ROBO2: variants seen among roughly 807,000 people sequenced by gnomAD.
The protein encoded by ROBO2 is roundabout guidance receptor 2, also known as roundabout homolog 2.
ROBO2 carries 53 observed loss-of-function variants against 160.8 expected under a neutral mutation model. The ratio of observed to expected loss-of-function variants is 0.33; its 90% CI spans 0.26 to 0.41. The LOEUF (loss-of-function observed/expected upper bound fraction) is 0.41, where lower values mean the gene tolerates loss of function less well. ROBO2 is among the 10% of genes least tolerant of loss of function. ROBO2 has a pLI of 1.00. For missense variants in ROBO2, 1,577 were observed against 1,722.4 expected, an observed-to-expected ratio of 0.92 and a Z score of 1.49; for synonymous variants, 664 against 611.7, an observed-to-expected ratio of 1.09 and a Z score of -1.26.
chr3:77,093,455 C>G (rs1315370746), intron 1 of ROBO2, among the ~76,000 whole-genome samples: 1 of 152,026 alleles, frequency 6.6e-6, no homozygotes, highest in Non-Finnish European at 1.5e-5. Flanking sequence ...ACATAGAATA[C>G]CCAGTAGTTT....
intron 17 of ROBO2, among the ~76,000 whole-genome samples, chr3:77,589,302 G>A (rs1291855631): frequency 1.3e-5 from 2 of 152,086 alleles, no homozygotes; most frequent in East Asian, 3.9e-4. Context: ...ATTTATGCAT[G>A]AGCATTACTT....
At chr3:76,270,462 A>G (rs1707364162) in intron 2 of ROBO2, among the ~76,000 whole-genome samples, 1 of 152,102 alleles carries the variant, frequency 6.6e-6, no homozygotes, top group Admixed American at 6.5e-5. Flanking sequence ...AACTCATAAT[A>G]GACTACGATG....
chr3:77,557,951 A>G (rs2093182145), exon 9 of ROBO2: 2 of 1,612,664 alleles, frequency 1.2e-6, no homozygotes, highest in African/African-American at 2.7e-5. Context: ...CAGTTTTGAC[A>G]GATAGACCTC....
intron 8 of ROBO2, among the ~76,000 whole-genome samples, chr3:77,557,682 C>A (rs897311084): frequency 6.6e-6 from 1 of 151,436 alleles, no homozygotes; most frequent in African/African-American, 2.4e-5. Context: ...TATCTCAATG[C>A]CATTTTAATT....
chr3:76,122,722 T>A (rs932818603), intron 2 of ROBO2, among the ~76,000 whole-genome samples: 1 of 152,306 alleles, frequency 6.6e-6, no homozygotes, highest in African/African-American at 2.4e-5. Context: ...TGTATTTATC[T>A]GTTTCTCCCT....
chr3:76,692,418 T>C (rs996890306), intron 2 of ROBO2, among the ~76,000 whole-genome samples: 3 of 152,156 alleles, frequency 2.0e-5, no homozygotes, highest in Non-Finnish European at 4.4e-5. Flanking sequence ...GCAAAATCGC[T>C]GACTCCCAAG....
chr3:76,683,879 C>G (rs933857159), intron 2 of ROBO2, among the ~76,000 whole-genome samples: 3 of 152,090 alleles, frequency 2.0e-5, no homozygotes, highest in Non-Finnish European at 4.4e-5. Context: ...AACTTTAAAA[C>G]TTCTAATTTC....
intron 22 of ROBO2, 148 bp downstream of exon 23, chr3:77,617,921 C>A: frequency 2.4e-6 from 2 of 843,672 alleles, no homozygotes; most frequent in African/African-American, 1.7e-5. Context: ...ATAAATGTAT[C>A]CACTGAGAAA....
At chr3:76,724,327 A>G (rs1404160787) in intron 2 of ROBO2, among the ~76,000 whole-genome samples, 1 of 152,128 alleles carries the variant, frequency 6.6e-6, no homozygotes, top group African/African-American at 2.4e-5. Context: ...TTTTCAATCA[A>G]ATATGTTCAA....
chr3:77,473,524 A>G (rs1216612630), intron 2 of ROBO2, among the ~76,000 whole-genome samples: 1 of 129,766 alleles, frequency 7.7e-6, no homozygotes, highest in Non-Finnish European at 1.6e-5. Context: ...CATGAACTCG[A>G]CTCACTGCAA....
At chr3:76,982,288 A>T (rs1202858612) in intron 2 of ROBO2, among the ~76,000 whole-genome samples, 1 of 152,150 alleles carries the variant, frequency 6.6e-6, no homozygotes, top group African/African-American at 2.4e-5. Flanking sequence ...GTTCTGTTAC[A>T]TCTACTTATA....
At chr3:76,029,497 T>C (rs976098914) in intron 2 of ROBO2, among the ~76,000 whole-genome samples, 1 of 152,090 alleles carries the variant, frequency 6.6e-6, no homozygotes, top group Non-Finnish European at 1.5e-5. Context: ...GTATTTCTCC[T>C]AAAGCTATCC....
chr3:76,350,147 GA>G (rs1460493087), intron 2 of ROBO2, among the ~76,000 whole-genome samples: 1 of 152,050 alleles, frequency 6.6e-6, no homozygotes, highest in Non-Finnish European at 1.5e-5. Context: ...GCAAAGTCAT[GA>G]AAATGTTAGA....
chr3:76,516,999 C>T (rs1206056558), intron 2 of ROBO2, among the ~76,000 whole-genome samples: 1 of 152,074 alleles, frequency 6.6e-6, no homozygotes, highest in Non-Finnish European at 1.5e-5. Flanking sequence ...AATACAGGAT[C>T]CCTTTTAAGT....
At chr3:77,421,116 G>A (rs1310524049) in intron 2 of ROBO2, among the ~76,000 whole-genome samples, 1 of 152,012 alleles carries the variant, frequency 6.6e-6, no homozygotes, top group Non-Finnish European at 1.5e-5. Context: ...ACCTTCTCTG[G>A]CAGTTTGGGC....
chr3:76,365,692 G>A (rs1286186012), intron 2 of ROBO2, among the ~76,000 whole-genome samples: 1 of 152,066 alleles, frequency 6.6e-6, no homozygotes, highest in African/African-American at 2.4e-5. Flanking sequence ...AGTACAATTA[G>A]ATCCATAAAA....
intron 2 of ROBO2, among the ~76,000 whole-genome samples, chr3:76,030,464 T>A (rs189312229): frequency 6.6e-6 from 1 of 152,334 alleles, no homozygotes; most frequent in Non-Finnish European, 1.5e-5. Context: ...TGAATGGTAT[T>A]GCCCAGGTTT....
In ROBO2 at chr3:76,203,655, G is replaced by A. The variant is rs367895142; in HGVS notation, c.109+266053G>A. On this transcript the variant is annotated intron_variant, in intron 2 of 26. Transcript: ENST00000487694. ...TGTGTGAGATTGCCTCAGGCTATCG[G>A]CTTCCCGGTCAACAGATCACAGGTC... 1.7e-4 allele frequency among the ~76,000 whole-genome samples: 25 copies of A among 146,228 alleles called. No individual in the cohort carries two copies. The South Asian group carries it at 2.5e-3, about 15-fold the overall frequency.
intron 2 of ROBO2, among the ~76,000 whole-genome samples, chr3:76,249,773 G>A (rs1029247355): frequency 5.3e-5 from 8 of 152,026 alleles, no homozygotes; most frequent in African/African-American, 1.9e-4. Flanking sequence ...TGAGAGAGAG[G>A]AATATTTGCA....
Sources: gnomAD v4.1 joint callset for allele counts (sites outside exome capture counted in the v4.1 genomes callset) on GRCh38, gnomAD v4.1.1 for gene constraint, MANE v1.5 for transcripts, NCBI Gene and HGNC (gene_info 2026-07-23, HGNC 2026-07-21) for gene names.